The following LAIR1 variants were observed in gnomAD, a reference collection of about 807,000 sequenced individuals.
LAIR1 encodes leukocyte-associated immunoglobulin-like receptor 1.
In LAIR1, 24 loss-of-function variants were observed where a neutral mutation model predicts 32.8. That is an observed-to-expected ratio of 0.73 (90% CI 0.53 to 1.03). The LOEUF is 1.03. Among genes scored for constraint, LAIR1 ranks in the 50% least tolerant of loss-of-function variants. LAIR1 has a pLI of 0.00. For synonymous variants in LAIR1, 150 were observed against 140.5 expected, an observed-to-expected ratio of 1.07 and a Z score of -0.48; for missense variants, 355 against 347.5, an observed-to-expected ratio of 1.02 and a Z score of -0.17.
chr19:54,363,215 G>T (rs984645942), intron 2 of LAIR1, among the ~76,000 whole-genome samples: 2 of 151,974 alleles, frequency 1.3e-5, no homozygotes, highest in Non-Finnish European at 2.9e-5. Flanking sequence ...GGGGAGAGGG[G>T]CTGTCACCTG....
At chr19:54,367,758 T>TA (rs1288984872), upstream of LAIR1, among the ~76,000 whole-genome samples, 3,535 of 133,414 alleles carry the variant, frequency 0.026, 142 homozygotes, top group African/African-American at 0.11. Context: ...AAAATATATA[T>TA]TTTTTTTAAT....
intron 4 of LAIR1, chr19:54,358,661 A>T: frequency 1.3e-6 from 2 of 1,495,938 alleles, no homozygotes; most frequent in Non-Finnish European, 1.8e-6. Flanking sequence ...TATTAATAGG[A>T]GCATCCCTCC....
At chr19:54,372,012 G>A (rs187974863), upstream of LAIR1, among the ~76,000 whole-genome samples, 1 of 151,516 alleles carries the variant, frequency 6.6e-6, no homozygotes, top group South Asian at 2.1e-4. Context: ...ATATTCCATT[G>A]TCTGGACACA....
Position 54,364,421 on chromosome 19 carries a change from A to C in LAIR1, c.35-91T>G. 6.7e-7 allele frequency: 1 copy of C among 1,494,246 alleles called. No individual in the cohort carries two copies. Among genetic ancestry groups the C allele is most frequent in the East Asian group, 2.3e-5 (1 of 44,112 alleles). The allele number at this position is 1,494,246 out of a possible 1,614,324, so 92.6% of individuals were successfully genotyped here. ...AGGGGGCTCGATGGAGCTGGGGGGC[A>C]TTCAGCATTTCATAACGACCAAGCC... is the stretch of plus-strand genomic sequence containing the variant. On this transcript the variant is annotated intron_variant, in intron 1 of 9. Transcript: ENST00000391742. This position sits in a 1 kb window ranked among gnomAD's most constrained non-coding sequence, Gnocchi z 4.8.
At position 54,364,448 on chromosome 19, in the gene LAIR1, A is replaced by G; in HGVS notation, c.35-118T>C. On this transcript the variant is annotated intron_variant, in intron 1 of 9. Transcript: ENST00000391742. The surrounding 1 kb of genome is among the most constrained non-coding windows in gnomAD (Gnocchi z 4.8). ...TCAGCATTTCATAACGACCAAGCCA[A>G]CCCTCCTCGACATCACTGTCTCCAT... is the stretch of plus-strand genomic sequence containing the variant. The G allele has an allele frequency of 1.0e-6, 1 of 977,436 alleles. No homozygotes were observed. The highest frequency in any genetic ancestry group is 1.6e-6 in the Non-Finnish European group (1 of 617,628). The allele number at this position is 977,436 out of a possible 1,614,324, so 60.5% of individuals were successfully genotyped here. A position where few individuals can be genotyped will look rare whatever the true frequency, so the allele number is the denominator to read the frequency against.
rs1156347423 is a variant in LAIR1 at position 54,352,660 on chromosome 19, A to T, written c.*2608T>A. The T allele has an allele frequency of 6.5e-6, 1 of 153,610 alleles. No homozygotes were observed. Among genetic ancestry groups the T allele is most frequent in the Non-Finnish European group, 1.5e-5 (1 of 68,132 alleles). 9.5% of individuals were successfully genotyped at this position (153,610 alleles called of 1,614,324 possible). ...TGGACTTCCTTACACTGGAGCAGAC[A>T]CTGGCATCTGCTCAGCTCTCCTGTG... On this transcript the variant is annotated 3_prime_UTR_variant, in exon 10 of 10. Coordinates refer to ENST00000391742, the MANE Select transcript of LAIR1 (RefSeq NM_002287.6).
rs730592 is a variant in LAIR1, at chr19:54,352,554, T to C, written c.*2714A>G. 0.33 allele frequency: 50,294 copies of C among 153,544 alleles called. 9,276 individuals carry two copies. Among genetic ancestry groups the C allele is most frequent in the Admixed American group, 0.43 (6,521 of 15,252 alleles). 9.5% of individuals were successfully genotyped at this position (153,544 alleles called of 1,614,324 possible). On this transcript the variant is annotated 3_prime_UTR_variant, in exon 10 of 10. Transcript: ENST00000391742. ...CTCTTTCCACTAATATGTCAAGAAATAACAGTGTGGTATTTTTGCTTAATT... is the reference window on the plus strand; with the variant it reads ...CTCTTTCCACTAATATGTCAAGAAACAACAGTGTGGTATTTTTGCTTAATT...
chr19:54,366,762 A>G (rs1027313887), upstream of LAIR1, among the ~76,000 whole-genome samples: 31 of 152,214 alleles, frequency 2.0e-4, no homozygotes, highest in Non-Finnish European at 3.7e-4. Context: ...TGCTGGGATT[A>G]CAGGCGTGAA....
intron 3 of LAIR1, chr19:54,360,616 T>A: frequency 2.0e-6 from 1 of 504,716 alleles, no homozygotes; most frequent in Non-Finnish European, 3.5e-6. Flanking sequence ...GGTTGCCCCC[T>A]AATCTCTGGG....
At position 54,355,063 on chromosome 19, in the gene LAIR1, T is replaced by A; in HGVS notation, c.*205A>T. ...AGAAACAGTCTGTCCAAGGAGCTGC[T>A]CGATTGTAGAAGGGACCACCTGGCT... On this transcript the variant is annotated 3_prime_UTR_variant, in exon 10 of 10. Transcript: ENST00000391742. The surrounding 1 kb of genome is among the most constrained non-coding windows in gnomAD (Gnocchi z 4.7). 3.9e-6 allele frequency: 2 copies of A among 515,362 alleles called. No individual in the cohort carries two copies. Among genetic ancestry groups the A allele is most frequent in the East Asian group, 3.2e-5 (1 of 30,800 alleles). The allele number at this position is 515,362 out of a possible 1,614,324, so 31.9% of individuals were successfully genotyped here. A position where few individuals can be genotyped will look rare whatever the true frequency, so the allele number is the denominator to read the frequency against.
intron 4 of LAIR1, chr19:54,358,408 ATATT>A (rs1414546698): frequency 8.4e-6 from 2 of 238,930 alleles, no homozygotes; most frequent in Non-Finnish European, 7.3e-6. Context: ...ATATATATAT[ATATT>A]ATGATGTAAA....
rs762831874 is a variant in LAIR1, at chr19:54,364,342, G to A, written c.35-12C>T. 5.6e-6 allele frequency: 9 copies of A among 1,613,878 alleles called. No individual in the cohort carries two copies. Among genetic ancestry groups the A allele is most frequent in the South Asian group, 3.3e-5 (3 of 91,072 alleles). ...GGCCAGGCAGAGCACTGGAAGAGAA[G>A]CCCCAGTGAGAAAAATGCCCAGTGC... On this transcript the variant is annotated splice_polypyrimidine_tract_variant and intron_variant, in intron 1 of 9. Transcript: ENST00000391742. This position sits in a 1 kb window ranked among gnomAD's most constrained non-coding sequence, Gnocchi z 4.8.
Position 54,355,264 on chromosome 19 carries a change from G to C in LAIR1, c.*4C>G. 1 of 1,598,604 alleles carries C rather than the reference G, an allele frequency of 6.3e-7. No individual in the cohort carries two copies. Among genetic ancestry groups the C allele is most frequent in the East Asian group, 2.3e-5 (1 of 43,774 alleles). ...TCAGGTGCAGAGGCCAGGTGGGTAT[G>C]GGGTCAGTGTCTGGCAACGGCTGCA... On this transcript the variant is annotated 3_prime_UTR_variant, in exon 10 of 10. Coordinates refer to ENST00000391742, the MANE Select transcript of LAIR1 (RefSeq NM_002287.6). This position sits in a 1 kb window ranked among gnomAD's most constrained non-coding sequence, Gnocchi z 4.7.
chr19:54,356,615 T>C lies in LAIR1; in HGVS notation c.459A>G (p.Ala153=). The C allele has an allele frequency of 6.2e-7, 1 of 1,613,522 alleles. No individual in the cohort carries two copies. Among genetic ancestry groups the C allele is most frequent in the South Asian group, 1.1e-5 (1 of 91,044 alleles). Residue 153 remains alanine, a synonymous_variant, in exon 6 of 10, where the codon GCA becomes GCG. Coordinates refer to ENST00000391742, the MANE Select transcript of LAIR1 (RefSeq NM_002287.6). ...CAGCTTTCAGGCCTTGGGAAGCAGG[T>C]GCATCTAAGAAAGACAGAAACAGGA... The part of the protein sequence containing the change: ...RPSDNSHNEH[A]PASQGLKAEH...
chr19:54,361,806 C>T (rs930424868), intron 2 of LAIR1, among the ~76,000 whole-genome samples: 4 of 151,952 alleles, frequency 2.6e-5, no homozygotes, highest in Non-Finnish European at 5.9e-5. Context: ...GTGGAGACAC[C>T]ACCTCTGGGT....
Position 54,364,745 on chromosome 19 carries a change from G to A in LAIR1, c.34+26C>T, listed in dbSNP as rs779895761. 2 of 1,598,284 alleles carry A rather than the reference G, an allele frequency of 1.3e-6. No individual in the cohort carries two copies. The highest frequency in any genetic ancestry group is 2.2e-5 in the East Asian group (1 of 44,778). ...TCCAGACCTCCCGACCCCCTTTCCA[G>A]CCTCCCGGCTGCCTCCAGGACTCAC... On this transcript the variant is annotated intron_variant, in intron 1 of 9. Transcript: ENST00000391742. The surrounding 1 kb of genome is among the most constrained non-coding windows in gnomAD (Gnocchi z 4.8).
At chr19:54,375,348 G>A (rs569935585), upstream of LAIR1, among the ~76,000 whole-genome samples, 4 of 152,228 alleles carry the variant, frequency 2.6e-5, no homozygotes, top group Admixed American at 6.5e-5. Flanking sequence ...GCCTGCGCCC[G>A]CCCCGCTGTG....
chr19:54,369,098 G>A (rs912272888), upstream of LAIR1, among the ~76,000 whole-genome samples: 1 of 148,300 alleles, frequency 6.7e-6, no homozygotes, highest in Non-Finnish European at 1.5e-5. Flanking sequence ...TCCCTCTAAT[G>A]TTCATGCTTT....
upstream of LAIR1, among the ~76,000 whole-genome samples, chr19:54,370,768 A>G (rs1424295636): frequency 6.6e-6 from 1 of 150,852 alleles, no homozygotes; most frequent in Non-Finnish European, 1.5e-5. Flanking sequence ...ATTTTGCTTG[A>G]GAGCCAAGGC....
Sources: allele counts gnomAD v4.1 joint callset (sites outside exome capture counted in the v4.1 genomes callset), GRCh38; gene constraint gnomAD v4.1.1; non-coding constraint Gnocchi (gnomAD v3.1); transcripts MANE v1.5; gene names NCBI Gene and HGNC (gene_info 2026-07-23, HGNC 2026-07-21).